The following THAP12 variants were observed in gnomAD, a reference collection of about 807,000 sequenced individuals.
The protein encoded by THAP12 is 52 kDa repressor of the inhibitor of the protein kinase.
THAP12 carries 20 observed loss-of-function variants against 63.0 expected under a neutral mutation model. The observed-to-expected ratio is 0.32, with a 90% CI of 0.22 to 0.46. The LOEUF (loss-of-function observed/expected upper bound fraction) is 0.46. Ranked by LOEUF, THAP12 falls within the 20% of genes least tolerant of loss-of-function variation. The pLI, the probability that THAP12 is intolerant of heterozygous loss-of-function variation, is 1.00. For missense variants in THAP12, 568 were observed against 908.2 expected (o/e 0.63, Z 4.81); for synonymous variants, 264 against 328.4 (o/e 0.80, Z 2.12).
chr11:76,355,139 C>T (rs903934511), intron 4 of THAP12, among the ~76,000 whole-genome samples: 1 of 152,312 alleles, frequency 6.6e-6, no homozygotes, highest in East Asian at 1.9e-4. Flanking sequence ...AGCTTCTAGC[C>T]CTCGTCCTTT....
At chr11:76,374,671 A>AT (rs1946696914) in intron 1 of THAP12, among the ~76,000 whole-genome samples, 2 of 152,234 alleles carry the variant, frequency 1.3e-5, no homozygotes, top group Admixed American at 1.3e-4. Context: ...CAACCCAAAA[A>AT]TTCCACTGTC....
In THAP12 at chr11:76,351,620, C is replaced by T. The variant is rs9667943; in HGVS notation, c.1530G>A (p.Ala510=). Residue 510 remains alanine (A), a synonymous_variant, in exon 5 of 5, where the codon GCG becomes GCA. Coordinates refer to ENST00000260045, the MANE Select transcript of THAP12 (RefSeq NM_004705.4). The part of the protein sequence containing the change: ...LQGQTSDVFF[A]AGSLTAVLHS... ...GCAGTACTGCAGTCAAGCTACCGGC[C>T]GCAAAGAAGACATCAGAGGTTTGCC... is the stretch of plus-strand genomic sequence containing the variant. 4.4e-6 allele frequency: 7 copies of T among 1,583,644 alleles called. No homozygotes were observed. Among genetic ancestry groups the T allele is most frequent in the Non-Finnish European group, 6.0e-6 (7 of 1,163,108 alleles).
At chr11:76,358,519 T>C (rs1241385386) in intron 3 of THAP12, 1 of 152,046 alleles carries the variant, frequency 6.6e-6, no homozygotes, top group Non-Finnish European at 1.5e-5. Flanking sequence ...AAAAACAGAA[T>C]ATAGGTCAGG....
At chr11:76,372,246 G>A (rs1049464124) in intron 1 of THAP12, among the ~76,000 whole-genome samples, 17 of 152,144 alleles carry the variant, frequency 1.1e-4, no homozygotes, top group Admixed American at 3.9e-4. Flanking sequence ...GAGCCACTGC[G>A]TGCAGCCACT....
chr11:76,378,396 G>C (rs982588209), intron 1 of THAP12, among the ~76,000 whole-genome samples: 3 of 152,304 alleles, frequency 2.0e-5, no homozygotes, highest in South Asian at 2.1e-4. Flanking sequence ...CTGCACTGCA[G>C]CCTGGGCAAC....
intron 1 of THAP12, among the ~76,000 whole-genome samples, chr11:76,372,887 C>CA (rs200632857): frequency 0.013 from 1,788 of 140,620 alleles, 17 homozygotes; most frequent in Middle Eastern, 0.037. Flanking sequence ...AACCTGTCTC[C>CA]AAAAAAAAAA....
chr11:76,366,589 G>A (rs542177709), intron 1 of THAP12, among the ~76,000 whole-genome samples: 3 of 152,164 alleles, frequency 2.0e-5, no homozygotes, highest in South Asian at 4.1e-4. Context: ...GCTGAGGCAG[G>A]AGAATGGCGT....
chr11:76,365,859 C>T lies in THAP12; in HGVS notation c.203G>A (p.Cys68Tyr). 1.2e-6 allele frequency: 2 copies of T among 1,612,236 alleles called. No individual in the cohort carries two copies. The highest frequency in any genetic ancestry group is 1.1e-5 in the South Asian group (1 of 90,884). ...AGCTCTTCTATTACTCACAGTTCTA[C>T]AGATCATAGAGGTCTCAAAATGTTT... ...CAKHFETSMI[C>Y]RTSPYRTVLR... The change falls in exon 2 of 5, where the codon TGT becomes TAT. Residue 68 changes from cysteine (C) to tyrosine (Y), a missense_variant. Coordinates refer to ENST00000260045, the MANE Select transcript of THAP12 (RefSeq NM_004705.4).
intron 1 of THAP12, among the ~76,000 whole-genome samples, chr11:76,374,644 G>T (rs1208826914): frequency 6.6e-6 from 1 of 152,166 alleles, no homozygotes; most frequent in East Asian, 1.9e-4. Flanking sequence ...AAGCAATGAT[G>T]CCATCATGTT....
At chr11:76,377,204 A>C (rs1315867164) in intron 1 of THAP12, among the ~76,000 whole-genome samples, 1 of 152,224 alleles carries the variant, frequency 6.6e-6, no homozygotes, top group East Asian at 1.9e-4. Context: ...TGAATTTCAG[A>C]CTTGTATATC....
At chr11:76,354,871 CA>C (rs1946549452) in intron 4 of THAP12, among the ~76,000 whole-genome samples, 1 of 152,158 alleles carries the variant, frequency 6.6e-6, no homozygotes, top group East Asian at 1.9e-4. Context: ...TGTAGTTCCC[CA>C]AAACAGCACC....
At chr11:76,367,135 G>A (rs896931098) in intron 1 of THAP12, among the ~76,000 whole-genome samples, 1 of 151,330 alleles carries the variant, frequency 6.6e-6, no homozygotes, top group Admixed American at 6.6e-5. Context: ...GGAGTGCAAT[G>A]CCATGATCTT....
At chr11:76,364,303 T>C (rs1045523776) in intron 2 of THAP12, 1 of 267,898 alleles carries the variant, frequency 3.7e-6, no homozygotes, top group Non-Finnish European at 7.6e-6. Flanking sequence ...TCCTCAAATA[T>C]TTGTGATTAA....
chr11:76,372,540 G>C (rs973985432), intron 1 of THAP12, among the ~76,000 whole-genome samples: 3 of 150,874 alleles, frequency 2.0e-5, no homozygotes, highest in African/African-American at 7.3e-5. Flanking sequence ...CTCTCAAAGT[G>C]CTGGGATTAC....
At chr11:76,357,197 G>C (rs1358644731) in intron 3 of THAP12, 2 of 152,192 alleles carry the variant, frequency 1.3e-5, no homozygotes, top group Admixed American at 1.3e-4. Context: ...GGGAGGATGT[G>C]TGTAAGTTAT....
At chr11:76,366,474 G>A (rs879149753) in intron 1 of THAP12, among the ~76,000 whole-genome samples, 7 of 152,214 alleles carry the variant, frequency 4.6e-5, no homozygotes, top group Non-Finnish European at 7.3e-5. Flanking sequence ...GAGGTCAGGA[G>A]ATCGAGACCA....
chr11:76,373,031 A>G (rs1012391492), intron 1 of THAP12, among the ~76,000 whole-genome samples: 3 of 152,222 alleles, frequency 2.0e-5, no homozygotes, highest in Non-Finnish European at 2.9e-5. Context: ...GGTCATCTGT[A>G]AAGCAAGGAC....
At chr11:76,354,274 C>G (rs1946546102) in intron 4 of THAP12, among the ~76,000 whole-genome samples, 1 of 152,164 alleles carries the variant, frequency 6.6e-6, no homozygotes, top group Non-Finnish European at 1.5e-5. Flanking sequence ...TTCACCCCTC[C>G]TCAAATCAGA....
chr11:76,378,420 C>CA (rs1050722488), intron 1 of THAP12, among the ~76,000 whole-genome samples: 19 of 150,744 alleles, frequency 1.3e-4, no homozygotes, highest in South Asian at 2.1e-4. Flanking sequence ...GTGAGACTCT[C>CA]AAAAAAAACA....
Sources: gnomAD v4.1 joint callset for allele counts (sites outside exome capture counted in the v4.1 genomes callset) on GRCh38, gnomAD v4.1.1 for gene constraint, MANE v1.5 for transcripts, NCBI Gene and HGNC (gene_info 2026-07-23, HGNC 2026-07-21) for gene names.